The following UBE2D2 variants were observed in gnomAD, a reference collection of about 807,000 sequenced individuals.
The protein encoded by UBE2D2 is ubiquitin conjugating enzyme E2 D2.
Under a neutral mutation model 24.2 loss-of-function variants are expected in UBE2D2, and 2 were observed. That is an observed-to-expected ratio of 0.08 (90% CI 0.03 to 0.26). The LOEUF is 0.26. Ranked by LOEUF, UBE2D2 falls within the 10% of genes least tolerant of loss-of-function variation. The pLI, the probability that UBE2D2 is intolerant of heterozygous loss-of-function variation, is 1.00. For missense variants in UBE2D2, 44 were observed against 177.6 expected, an observed-to-expected ratio of 0.25 and a Z score of 4.28; for synonymous variants, 58 against 56.5, an observed-to-expected ratio of 1.03 and a Z score of -0.12.
upstream of UBE2D2, among the ~76,000 whole-genome samples, chr5:139,559,612 A>G (rs1753030787): frequency 1.3e-5 from 2 of 151,934 alleles, no homozygotes; most frequent in Admixed American, 1.3e-4. Context: ...TAATGGTCCA[A>G]CCTTCTCAGT....
chr5:139,532,593 C>T (rs904496173), intron 1 of UBE2D2, among the ~76,000 whole-genome samples: 1 of 151,904 alleles, frequency 6.6e-6, no homozygotes, highest in Non-Finnish European at 1.5e-5. Flanking sequence ...CCTCGTGATC[C>T]GCCCGCCTTG....
At chr5:139,531,916 G>T (rs1482748899) in intron 1 of UBE2D2, among the ~76,000 whole-genome samples, 1 of 152,014 alleles carries the variant, frequency 6.6e-6, no homozygotes, top group Non-Finnish European at 1.5e-5. Flanking sequence ...GAACCCAGGG[G>T]GTCGAAGCTG....
At chr5:139,533,651 CA>C (rs200520528) in intron 1 of UBE2D2, among the ~76,000 whole-genome samples, 2,458 of 127,990 alleles carry the variant, frequency 0.019, 34 homozygotes, top group Non-Finnish European at 0.02. Context: ...AACTCCGTCT[CA>C]AAAAAAAAAG....
intron 1 of UBE2D2, among the ~76,000 whole-genome samples, chr5:139,597,588 C>T (rs757254666): frequency 2.0e-5 from 3 of 152,088 alleles, no homozygotes; most frequent in South Asian, 2.1e-4. Context: ...AAGATTAAAG[C>T]GAAATCAAAA....
chr5:139,532,018 T>G (rs568604036), intron 1 of UBE2D2, among the ~76,000 whole-genome samples: 2 of 151,914 alleles, frequency 1.3e-5, no homozygotes, highest in East Asian at 3.9e-4. Flanking sequence ...TGACCTCATT[T>G]ATGATGAGGG....
At chr5:139,585,692 TC>T (rs1753713208) in intron 1 of UBE2D2, among the ~76,000 whole-genome samples, 1 of 152,052 alleles carries the variant, frequency 6.6e-6, no homozygotes, top group African/African-American at 2.4e-5. Flanking sequence ...AATGTTCCAG[TC>T]TCTACAGAAT....
At chr5:139,582,471 A>G (rs1236526003) in intron 1 of UBE2D2, among the ~76,000 whole-genome samples, 1 of 151,896 alleles carries the variant, frequency 6.6e-6, no homozygotes, top group East Asian at 1.9e-4. Flanking sequence ...TCGGCCTCCC[A>G]GAGTGCTGAG....
At chr5:139,588,063 A>G (rs1192575305) in intron 1 of UBE2D2, among the ~76,000 whole-genome samples, 1 of 152,134 alleles carries the variant, frequency 6.6e-6, no homozygotes, top group African/African-American at 2.4e-5. Context: ...TCCTGGGCAC[A>G]AGTGATCCCC....
chr5:139,590,161 A>C (rs983995997), intron 1 of UBE2D2, among the ~76,000 whole-genome samples: 1 of 149,850 alleles, frequency 6.7e-6, no homozygotes, highest in African/African-American at 2.4e-5. Flanking sequence ...TGTGATAGTG[A>C]AAAATAGGAA....
At chr5:139,561,229 G>A (rs1245749255), upstream of UBE2D2, 4 of 152,658 alleles carry the variant, frequency 2.6e-5, no homozygotes, top group South Asian at 4.1e-4. Flanking sequence ...TACTCACAGG[G>A]GCGGCCCGTA....
At chr5:139,527,236 A>AC (rs1752552225) in intron 1 of UBE2D2, among the ~76,000 whole-genome samples, 1 of 152,102 alleles carries the variant, frequency 6.6e-6, no homozygotes, top group African/African-American at 2.4e-5. Flanking sequence ...AAGCCAAAGC[A>AC]CCCGGACCAG....
Position 139,593,158 on chromosome 5 carries a change from G to A in UBE2D2, c.25-7214G>A, listed in dbSNP as rs551672219. Among the ~76,000 whole-genome samples the A allele has an allele frequency of 2.6e-5, 4 of 151,860 alleles. No individual in the cohort carries two copies. In the East Asian group the frequency reaches 7.8e-4, roughly 29 times the overall value. Reference sequence around the variant, plus strand: ...CTACAGGCAAGCGCCACCACGCCCAGCTAACTTTTATATTTTTAGTAGAGA... The same window carrying A: ...CTACAGGCAAGCGCCACCACGCCCAACTAACTTTTATATTTTTAGTAGAGA... On this transcript the variant is annotated intron_variant, in intron 1 of 6. Transcript: ENST00000398733.
chr5:139,620,347 T>C (rs936095208), intron 5 of UBE2D2, among the ~76,000 whole-genome samples: 2 of 152,216 alleles, frequency 1.3e-5, no homozygotes, highest in African/African-American at 4.8e-5. Context: ...GCCCTTTCTT[T>C]AAAACCTGTC....
At chr5:139,620,010 CAA>C (rs1007202102) in intron 5 of UBE2D2, among the ~76,000 whole-genome samples, 1 of 152,116 alleles carries the variant, frequency 6.6e-6, no homozygotes, top group African/African-American at 2.4e-5. Flanking sequence ...GTAGCAGGAC[CAA>C]GAGAGAGATG....
intron 1 of UBE2D2, among the ~76,000 whole-genome samples, chr5:139,573,648 G>A (rs1286062751): frequency 1.3e-5 from 2 of 151,910 alleles, no homozygotes; most frequent in South Asian, 2.1e-4. Context: ...TTGGGCTTAG[G>A]AATCAAAGGA....
At chr5:139,577,571 G>A (rs1416663719) in intron 1 of UBE2D2, among the ~76,000 whole-genome samples, 2 of 151,962 alleles carry the variant, frequency 1.3e-5, no homozygotes, top group South Asian at 2.1e-4. Flanking sequence ...ATGCCACCAC[G>A]TCTGGCTAAT....
At chr5:139,533,714 C>A (rs544666423) in intron 1 of UBE2D2, among the ~76,000 whole-genome samples, 1 of 151,832 alleles carries the variant, frequency 6.6e-6, no homozygotes, top group East Asian at 1.9e-4. Flanking sequence ...CAGTGTATTA[C>A]TGGGAGCGTC....
chr5:139,604,559 C>A (rs1190610388), intron 2 of UBE2D2, among the ~76,000 whole-genome samples: 1 of 152,148 alleles, frequency 6.6e-6, no homozygotes, highest in Admixed American at 6.6e-5. Context: ...TGCTCAACAT[C>A]ATTTGTCATT....
rs1754667957 is a variant in UBE2D2 at position 139,628,080 on chromosome 5, T to TTGACCAAAAGAGCAAAC, written c.*1287_*1288insAGAGCAAACTGACCAAA. 1 of 152,650 alleles carries TTGACCAAAAGAGCAAAC rather than the reference T, an allele frequency of 6.6e-6. No homozygotes were observed. Among genetic ancestry groups the TTGACCAAAAGAGCAAAC allele is most frequent in the African/African-American group, 2.4e-5 (1 of 41,460 alleles). 9.5% of individuals were successfully genotyped at this position (152,650 alleles called of 1,614,324 possible). A position where few individuals can be genotyped will look rare whatever the true frequency, so the allele number is the denominator to read the frequency against. ...TGATTGTAATTATAAAAGAGCAACA[T>TTGACCAAAAGAGCAAAC]TGACCAAACCTGGGAAACAAGAGCA... On this transcript the variant is annotated 3_prime_UTR_variant, in exon 7 of 7. Transcript: ENST00000398733.
Sources: gnomAD v4.1 joint callset for allele counts (sites outside exome capture counted in the v4.1 genomes callset) on GRCh38, gnomAD v4.1.1 for gene constraint, MANE v1.5 for transcripts, NCBI Gene and HGNC (gene_info 2026-07-23, HGNC 2026-07-21) for gene names.